TK2: variants seen among roughly 807,000 people sequenced by gnomAD.
TK2 encodes the protein thymidine kinase 2, mitochondrial.
Under a neutral mutation model 41.9 loss-of-function variants are expected in TK2, and 35 were observed. That is an observed-to-expected ratio of 0.84 (90% CI 0.64 to 1.11). TK2 has a LOEUF of 1.11. Among genes scored for constraint, TK2 ranks in the 50% least tolerant of loss-of-function variants. The pLI is 0.00. For missense variants in TK2, 320 were observed against 351.1 expected (o/e 0.91, Z 0.71); for synonymous variants, 128 against 129.1 (o/e 0.99, Z 0.06).
At chr16:66,542,944 C>T (rs1965500584) in intron 2 of TK2, among the ~76,000 whole-genome samples, 2 of 152,206 alleles carry the variant, frequency 1.3e-5, no homozygotes, top group Admixed American at 1.3e-4. Context: ...GTGATCTCAG[C>T]TCACTGCAAC....
intron 1 of TK2, 62 bp from the exon 2 acceptor site, chr16:66,549,071 T>G: frequency 6.2e-7 from 1 of 1,607,290 alleles, no homozygotes; most frequent in Non-Finnish European, 8.5e-7. Context: ...CTGCCCTAAT[T>G]TGCTACATGA....
chr16:66,536,119 G>A (rs4783628), intron 4 of TK2, among the ~76,000 whole-genome samples: 9,785 of 151,040 alleles, frequency 0.065, 471 homozygotes, highest in South Asian at 0.17. Context: ...CAGGAGAATC[G>A]CTTGAACCTG....
At chr16:66,521,217 C>T (rs1964769627) in intron 6 of TK2, among the ~76,000 whole-genome samples, 1 of 152,248 alleles carries the variant, frequency 6.6e-6, no homozygotes, top group Non-Finnish European at 1.5e-5. Flanking sequence ...CACTGCAAAA[C>T]AGTCACAGTA....
intron 2 of TK2, among the ~76,000 whole-genome samples, chr16:66,546,811 A>G (rs769678947): frequency 2.6e-5 from 4 of 151,576 alleles, no homozygotes; most frequent in Non-Finnish European, 5.9e-5. Context: ...GAGTGCAGCA[A>G]TGCAATAACA....
At chr16:66,518,190 C>G in intron 6 of TK2, 1 of 395,006 alleles carries the variant, frequency 2.5e-6, no homozygotes, top group South Asian at 2.2e-5. Context: ...AGAGACAGTG[C>G]TCAGGTTAGG....
At chr16:66,529,601 C>A (rs1301934464) in intron 5 of TK2, among the ~76,000 whole-genome samples, 2 of 152,180 alleles carry the variant, frequency 1.3e-5, no homozygotes, top group Non-Finnish European at 2.9e-5. Flanking sequence ...CCTGACAGTG[C>A]CCCTTTCTGC....
rs1567544467 is a variant in TK2, at chr16:66,550,082, A to AG, written c.-22dup. 2 of 1,600,242 alleles carry AG rather than the reference A, an allele frequency of 1.2e-6. No homozygotes were observed. Among genetic ancestry groups the AG allele is most frequent in the Admixed American group, 3.5e-5 (2 of 57,560 alleles). On this transcript the variant is annotated 5_prime_UTR_variant, in exon 1 of 10. Transcript: ENST00000544898. ...AGCATAGCCGGGCGAGCGGATCCAG[A>AG]GGCCCGGGGTTCCTTCTTGTGCGAG... is the stretch of plus-strand genomic sequence containing the variant.
chr16:66,542,163 T>C (rs988596429), intron 2 of TK2, among the ~76,000 whole-genome samples: 1 of 152,168 alleles, frequency 6.6e-6, no homozygotes. Context: ...GGCAGGCTCA[T>C]GTGGTCCCCC....
In TK2 at chr16:66,517,235, T is replaced by C. The variant is rs146833395; in HGVS notation, c.539-20A>G. ...GGTAAACTGAGGTTAAAAGAATACGTGGCTCTCAGGACTCTGCTCATGGCT... is the reference window on the plus strand; with the variant it reads ...GGTAAACTGAGGTTAAAAGAATACGCGGCTCTCAGGACTCTGCTCATGGCT... On this transcript the variant is annotated intron_variant, in intron 7 of 9. Transcript: ENST00000544898. This position sits in a 1 kb window ranked among gnomAD's most constrained non-coding sequence, Gnocchi z 4.3. 2,364 of 1,609,722 alleles carry C rather than the reference T, an allele frequency of 1.5e-3. 28 individuals are homozygous for C. In the African/African-American group the frequency reaches 0.027, roughly 18 times the overall value.
At position 66,514,196 on chromosome 16, in the gene TK2, A is replaced by G. The variant is rs954969892; in HGVS notation, c.619-385T>C. 1.3e-5 allele frequency among the ~76,000 whole-genome samples: 2 copies of G among 151,426 alleles called. No individual in the cohort carries two copies. Among genetic ancestry groups the G allele is most frequent in the African/African-American group, 4.9e-5 (2 of 41,204 alleles). On this transcript the variant is annotated intron_variant, in intron 8 of 9. Coordinates refer to ENST00000544898, the MANE Select transcript of TK2 (RefSeq NM_004614.5). This position sits in a 1 kb window ranked among gnomAD's most constrained non-coding sequence, Gnocchi z 4.2. Reference sequence around the variant, plus strand: ...CCGAGGCTGGACTGTACTGCCGCCAACTCGACTCACTGCAACCTCCCTGCC... The same window carrying G: ...CCGAGGCTGGACTGTACTGCCGCCAGCTCGACTCACTGCAACCTCCCTGCC...
At chr16:66,546,710 T>C (rs977793621) in intron 2 of TK2, 5 of 152,082 alleles carry the variant, frequency 3.3e-5, no homozygotes, top group African/African-American at 9.7e-5. Flanking sequence ...ACATAATCCA[T>C]TATATAAGAC....
Position 66,511,452 on chromosome 16 carries a change from A to G in TK2, c.*516T>C, listed in dbSNP as rs1964447602. On this transcript the variant is annotated 3_prime_UTR_variant, in exon 10 of 10. Coordinates refer to ENST00000544898, the MANE Select transcript of TK2 (RefSeq NM_004614.5). ...AGGGCGGTGGGGAACAGCTCTCAGG[A>G]GGAGGCAGCCCAGGGCAAGGGAAAG... is the stretch of plus-strand genomic sequence containing the variant. 2 of 231,824 alleles carry G rather than the reference A, an allele frequency of 8.6e-6. No homozygotes were observed. The highest frequency in any genetic ancestry group is 1.7e-5 in the Non-Finnish European group (2 of 115,546). The allele number at this position is 231,824 out of a possible 1,614,324, so 14.4% of individuals were successfully genotyped here.
chr16:66,539,100 A>C (rs764873158), intron 3 of TK2, among the ~76,000 whole-genome samples: 10 of 152,176 alleles, frequency 6.6e-5, no homozygotes, highest in Non-Finnish European at 1.0e-4. Context: ...GATGTTAACT[A>C]TCGTTGTTAA....
Position 66,510,408 on chromosome 16 carries a change from A to C in TK2, c.*1560T>G, listed in dbSNP as rs1368168469. 2.0e-5 allele frequency: 3 copies of C among 152,250 alleles called. No individual in the cohort carries two copies. The South Asian group carries it at 6.2e-4, about 32-fold the overall frequency. The allele number at this position is 152,250 out of a possible 1,614,324, so 9.4% of individuals were successfully genotyped here. A position where few individuals can be genotyped will look rare whatever the true frequency, so the allele number is the denominator to read the frequency against. On this transcript the variant is annotated 3_prime_UTR_variant, in exon 10 of 10. Transcript: ENST00000544898. Reference sequence around the variant, plus strand: ...CAGCACGTGGGCTACAGGTGCTGCTAGACACAGCTCCCGCCTGGCTGCTGC... The same window carrying C: ...CAGCACGTGGGCTACAGGTGCTGCTCGACACAGCTCCCGCCTGGCTGCTGC...
chr16:66,535,576 A>G (rs1027919363), intron 4 of TK2, among the ~76,000 whole-genome samples: 2 of 152,186 alleles, frequency 1.3e-5, no homozygotes, highest in African/African-American at 4.8e-5. Context: ...TTTAAGAAAC[A>G]TCCTTTCACC....
At position 66,541,921 on chromosome 16, in the gene TK2, C is replaced by T. The variant is rs374399811; in HGVS notation, c.189G>A (p.Lys63=). The change falls in exon 3 of 10, where the codon AAG becomes AAA. Residue 63 remains lysine, a synonymous_variant. Transcript: ENST00000544898. ...ICVEGNIASG[K]TTCLEFFSNA... ...TGGAGAAGAATTCCAGGCATGTCGT[C>T]TTCCCACTTGCAATATTGCCCTCGA... 1.4e-5 allele frequency: 22 copies of T among 1,614,062 alleles called. No individual in the cohort carries two copies. The highest frequency in any genetic ancestry group is 1.8e-5 in the Non-Finnish European group (21 of 1,180,038).
intron 6 of TK2, among the ~76,000 whole-genome samples, chr16:66,522,479 G>A (rs954551437): frequency 2.6e-5 from 4 of 152,134 alleles, no homozygotes; most frequent in Non-Finnish European, 4.4e-5. Context: ...CCCATTACTC[G>A]GCCCACACAG....
Position 66,532,265 on chromosome 16 carries a change from G to A in TK2, c.286-796C>T, listed in dbSNP as rs1234607883. Among the ~76,000 whole-genome samples the A allele has an allele frequency of 3.3e-5, 5 of 151,936 alleles. No individual in the cohort carries two copies. In the South Asian group the frequency reaches 6.2e-4, roughly 19 times the overall value. Reference sequence around the variant, plus strand: ...TATATACACCAACAGTGAACAACCTGAGAAAGAAATCAAGAAAGGAATCCC... The same window carrying A: ...TATATACACCAACAGTGAACAACCTAAGAAAGAAATCAAGAAAGGAATCCC... On this transcript the variant is annotated intron_variant, in intron 4 of 9. Coordinates refer to ENST00000544898, the MANE Select transcript of TK2 (RefSeq NM_004614.5).
At chr16:66,529,975 A>G (rs904732309) in intron 5 of TK2, among the ~76,000 whole-genome samples, 2 of 152,198 alleles carry the variant, frequency 1.3e-5, no homozygotes, top group African/African-American at 4.8e-5. Flanking sequence ...TTCCTTAAAT[A>G]GAGGAGTGCA....
Sources: gnomAD v4.1 joint callset for allele counts (sites outside exome capture counted in the v4.1 genomes callset) on GRCh38, gnomAD v4.1.1 for gene constraint, Gnocchi (gnomAD v3.1) non-coding constraint, MANE v1.5 for transcripts, NCBI Gene and HGNC (gene_info 2026-07-23, HGNC 2026-07-21) for gene names.